Variants in TRPM1 observed in about 807,000 individuals in gnomAD.
The protein encoded by TRPM1 is TRPM1-203 APA Isoform, Intron 10.
Under a neutral mutation model 149.4 loss-of-function variants are expected in TRPM1, and 113 were observed. That is an observed-to-expected ratio of 0.76 (90% CI 0.65 to 0.88). TRPM1 has a LOEUF of 0.88. Ranked by LOEUF, TRPM1 falls within the 40% of genes least tolerant of loss-of-function variation. The probability of loss-of-function intolerance (pLI) is 0.00; values close to 1 mark genes in which losing one functional copy is unlikely to be tolerated. For synonymous variants in TRPM1, 741 were observed against 759.5 expected (o/e 0.98, Z 0.40); for missense variants, 1,976 against 2,038.7 (o/e 0.97, Z 0.59).
At chr15:31,121,189 C>T (rs2035872485) in intron 1 of TRPM1, among the ~76,000 whole-genome samples, 2 of 127,362 alleles carry the variant, frequency 1.6e-5, no homozygotes, top group African/African-American at 6.1e-5. Context: ...TGTGCCACTA[C>T]ACTCTGACCT....
At chr15:31,104,586 C>CTTTTTT (rs928062797), upstream of TRPM1, among the ~76,000 whole-genome samples, 15 of 87,486 alleles carry the variant, frequency 1.7e-4, no homozygotes, top group African/African-American at 3.0e-4. Context: ...GGTGATCTTC[C>CTTTTTT]TTTTTTTTTT....
intron 27 of TRPM1, among the ~76,000 whole-genome samples, chr15:31,005,480 A>G (rs2141104383): frequency 6.6e-6 from 1 of 151,058 alleles, no homozygotes; most frequent in East Asian, 2.0e-4. Context: ...TCCCCTCTGC[A>G]TTGAATCAGT....
At chr15:31,076,773 T>C in intron 3 of TRPM1, 132 bp downstream of exon 3, 1 of 760,960 alleles carries the variant, frequency 1.3e-6, no homozygotes, top group Admixed American at 1.9e-5. Context: ...AGTGACTCCC[T>C]TGTTAGTGAC....
In TRPM1 at chr15:31,040,597, C is replaced by A. The variant is rs530265924; in HGVS notation, c.2088-251G>T. On this transcript the variant is annotated intron_variant, in intron 17 of 27. Coordinates refer to ENST00000256552, the MANE Select transcript of TRPM1 (RefSeq NM_001252024.2). This position sits in a 1 kb window ranked among gnomAD's most constrained non-coding sequence, Gnocchi z 4.2. ...TGCAAATGGAGCTGTAGGTTGAGACCACATCTGCCCCTCAGACCCCAGGGA... is the reference window on the plus strand; with the variant it reads ...TGCAAATGGAGCTGTAGGTTGAGACAACATCTGCCCCTCAGACCCCAGGGA... Among the ~76,000 whole-genome samples, 82 of 152,214 alleles carry A rather than the reference C, an allele frequency of 5.4e-4. No individual in the cohort carries two copies. The highest frequency in any genetic ancestry group is 1.1e-3 in the Non-Finnish European group (73 of 68,036).
At chr15:31,091,975 C>T (rs117860130) in intron 1 of TRPM1, among the ~76,000 whole-genome samples, 253 of 152,308 alleles carry the variant, frequency 1.7e-3, no homozygotes, top group Non-Finnish European at 2.9e-3. Flanking sequence ...GAGGTGGGCT[C>T]TGCTGGCTCC....
intron 1 of TRPM1, among the ~76,000 whole-genome samples, chr15:31,125,356 A>G (rs55664007): frequency 0.55 from 84,134 of 152,000 alleles, 24,433 homozygotes; most frequent in African/African-American, 0.69. Flanking sequence ...GGAGACAGGA[A>G]GTACATGGGA....
At chr15:31,116,066 C>A (rs149916999) in intron 1 of TRPM1, among the ~76,000 whole-genome samples, 336 of 152,186 alleles carry the variant, frequency 2.2e-3, no homozygotes, top group Non-Finnish European at 3.9e-3. Context: ...GTTCTTAATA[C>A]TGTCACATTT....
intron 1 of TRPM1, among the ~76,000 whole-genome samples, chr15:31,094,604 C>T (rs1359533876): frequency 6.6e-6 from 1 of 152,148 alleles, no homozygotes; most frequent in African/African-American, 2.4e-5. Context: ...CCAACAAACA[C>T]ATGAAAAGAT....
chr15:31,051,986 C>T (rs1009296446), intron 11 of TRPM1, among the ~76,000 whole-genome samples: 1 of 152,180 alleles, frequency 6.6e-6, no homozygotes, highest in African/African-American at 2.4e-5. Context: ...TTCATCTACC[C>T]CTATGTGCAG....
At chr15:31,151,380 T>C (rs1350247112) in intron 1 of TRPM1, among the ~76,000 whole-genome samples, 2 of 152,198 alleles carry the variant, frequency 1.3e-5, no homozygotes, top group African/African-American at 4.8e-5. Flanking sequence ...TATACCCTCC[T>C]GGCCAGAGTC....
rs1319211111 is a variant in TRPM1 at position 31,047,174 on chromosome 15, G to A, written c.1701C>T (p.Tyr567=). 6 of 1,614,106 alleles carry A rather than the reference G, an allele frequency of 3.7e-6. No homozygotes were observed. In the African/African-American group the frequency reaches 4.0e-5, roughly 11 times the overall value. Residue 567 remains tyrosine, a synonymous_variant, in exon 15 of 28, where the codon TAC becomes TAT. Coordinates refer to ENST00000256552, the MANE Select transcript of TRPM1 (RefSeq NM_001252024.2). ...LVLEYLMGGA[Y]RCNYTRKNFR... is the part of the protein sequence containing the mutation. ...AGTTTTTCCGAGTGTAGTTGCAGCG[G>A]TAGGCTCCTCCCATGAGGTACTCCA... is the stretch of plus-strand genomic sequence containing the variant.
At chr15:31,035,291 C>T in intron 21 of TRPM1, among the ~76,000 whole-genome samples, 1 of 152,200 alleles carries the variant, frequency 6.6e-6, no homozygotes, top group Admixed American at 6.5e-5. Flanking sequence ...CAGGCGTGCA[C>T]CACCACGACT....
intron 1 of TRPM1, among the ~76,000 whole-genome samples, chr15:31,136,990 G>C (rs1034933613): frequency 6.6e-6 from 1 of 152,142 alleles, no homozygotes; most frequent in Non-Finnish European, 1.5e-5. Flanking sequence ...GGCCCTGCTC[G>C]CTCTACCTTT....
chr15:31,083,297 A>G (rs2034910677), intron 1 of TRPM1, among the ~76,000 whole-genome samples: 3 of 152,216 alleles, frequency 2.0e-5, no homozygotes, highest in Admixed American at 2.0e-4. Context: ...CCACAGCTAC[A>G]TGTGGCCCAC....
At chr15:31,123,592 T>A (rs2035907049) in intron 1 of TRPM1, among the ~76,000 whole-genome samples, 1 of 152,354 alleles carries the variant, frequency 6.6e-6, no homozygotes, top group African/African-American at 2.4e-5. Flanking sequence ...TATCATTTTT[T>A]ATCAGGAATA....
At chr15:31,088,496 C>A in intron 1 of TRPM1, among the ~76,000 whole-genome samples, 1 of 152,172 alleles carries the variant, frequency 6.6e-6, no homozygotes. Context: ...ACGAACACAC[C>A]TGGAAAGACG....
At chr15:31,112,998 T>C (rs953069008) in intron 1 of TRPM1, among the ~76,000 whole-genome samples, 3 of 152,214 alleles carry the variant, frequency 2.0e-5, no homozygotes, top group Non-Finnish European at 4.4e-5. Context: ...CTTAACCATC[T>C]GAGGTGCCGG....
Position 31,060,629 on chromosome 15 carries a change from G to A in TRPM1, c.1178C>T (p.Ala393Val), listed in dbSNP as rs976724913. The change falls in exon 11 of 28, where the codon GCT (alanine) becomes GTT (valine). Residue 393 changes from alanine to valine, a missense_variant. By Grantham distance (64) the Ala-to-Val change is moderately conservative (BLOSUM62 0). Transcript: ENST00000256552. ...CAGTGCCAAGCTCAGCTGATCTGGA[G>A]CAGATACGTTTGTTCCTGGAAAGGC... The part of the protein sequence containing the change: ...TALLKGTNVS[A>V]PDQLSLALAW... 6.2e-7 allele frequency: 1 copy of A among 1,613,976 alleles called. No homozygotes were observed. The highest frequency in any genetic ancestry group is 8.5e-7 in the Non-Finnish European group (1 of 1,179,974).
Position 31,060,661 on chromosome 15 carries a change from C to A in TRPM1, c.1163-17G>T, listed in dbSNP as rs2034207753. On this transcript the variant is annotated splice_polypyrimidine_tract_variant and intron_variant, in intron 10 of 27. Transcript: ENST00000256552. ...CGTTTGTTCCTGGAAAGGCAAGAAA[C>A]CGGAATGATTTTTCACTCCACGCCT... The A allele has an allele frequency of 2.5e-6, 4 of 1,611,128 alleles. No homozygotes were observed. Among genetic ancestry groups the A allele is most frequent in the Non-Finnish European group, 2.5e-6 (3 of 1,177,720 alleles).
Sources: allele counts gnomAD v4.1 joint callset (sites outside exome capture counted in the v4.1 genomes callset), GRCh38; gene constraint gnomAD v4.1.1; non-coding constraint Gnocchi (gnomAD v3.1); transcripts MANE v1.5; gene names NCBI Gene and HGNC (gene_info 2026-07-23, HGNC 2026-07-21).